The following CSPG5 variants were observed in gnomAD, a reference collection of about 807,000 sequenced individuals.
CSPG5 encodes chondroitin sulfate proteoglycan 5.
CSPG5 carries 25 observed loss-of-function variants against 39.8 expected under a neutral mutation model. The observed-to-expected ratio is 0.63, with a 90% CI of 0.46 to 0.88. The LOEUF (loss-of-function observed/expected upper bound fraction) is 0.88. Ranked by LOEUF, CSPG5 falls within the 40% of genes least tolerant of loss-of-function variation. The probability of loss-of-function intolerance (pLI) is 0.00; values close to 1 mark genes in which losing one functional copy is unlikely to be tolerated. For synonymous variants in CSPG5, 295 were observed against 303.9 expected, an observed-to-expected ratio of 0.97 and a Z score of 0.31; for missense variants, 627 against 702.2, an observed-to-expected ratio of 0.89 and a Z score of 1.21.
rs776038927 is a variant in CSPG5, at chr3:47,577,489, C to G, written c.537G>C (p.Leu179=). ...KESPLEVWLN[L]GGSTPDPQGP... ...CTTGAGGGTCGGGTGTGCTGCCCCCCAGGTTCAGCCAAACCTCCAAGGGGC... is the reference window on the plus strand; with the variant it reads ...CTTGAGGGTCGGGTGTGCTGCCCCCGAGGTTCAGCCAAACCTCCAAGGGGC... Residue 179 remains leucine (L), a synonymous_variant, in exon 2 of 5, where the codon CTG becomes CTC. Transcript: ENST00000264723. This position sits in a 1 kb window ranked among gnomAD's most constrained non-coding sequence, Gnocchi z 4.7. 3 of 1,613,530 alleles carry G rather than the reference C, an allele frequency of 1.9e-6. No individual in the cohort carries two copies. The highest frequency in any genetic ancestry group is 2.5e-6 in the Non-Finnish European group (3 of 1,179,838).
chr3:47,566,838 C>T (rs1179932332), intron 4 of CSPG5, among the ~76,000 whole-genome samples: 1 of 152,182 alleles, frequency 6.6e-6, no homozygotes, highest in Non-Finnish European at 1.5e-5. Context: ...CCTCACCCGC[C>T]CTGTGGCTGA....
chr3:47,574,069 A>G (rs1239655247), intron 2 of CSPG5, among the ~76,000 whole-genome samples: 1 of 152,188 alleles, frequency 6.6e-6, no homozygotes, highest in Non-Finnish European at 1.5e-5. Flanking sequence ...GTACACAGCC[A>G]GGGGAGGAAT....
intron 3 of CSPG5, among the ~76,000 whole-genome samples, chr3:47,570,320 A>G (rs923550503): frequency 2.0e-5 from 3 of 148,830 alleles, no homozygotes; most frequent in Non-Finnish European, 4.4e-5. Context: ...CTCAGGCTGG[A>G]CTCGAACCCT....
rs1186748051 is a variant in CSPG5, at chr3:47,578,625, C to A, written c.69G>T (p.Ala23=). Residue 23 remains alanine (A), a synonymous_variant, in exon 1 of 5, where the codon GCG becomes GCT. Transcript: ENST00000264723. This position sits in a 1 kb window ranked among gnomAD's most constrained non-coding sequence, Gnocchi z 6.0. ...PPPLLLFLGA[A]LVLASGAVPA... ...GCACGGCCCCAGAGGCCAGGACCAG[C>A]GCGGCCCCCAGAAACAGCAGCAGTG... 8 of 1,165,308 alleles carry A rather than the reference C, an allele frequency of 6.9e-6. No homozygotes were observed. The highest frequency in any genetic ancestry group is 8.5e-6 in the Non-Finnish European group (8 of 942,734). 72.2% of individuals were successfully genotyped at this position (1,165,308 alleles called of 1,614,324 possible). A position where few individuals can be genotyped will look rare whatever the true frequency, so the allele number is the denominator to read the frequency against.
chr3:47,565,345 C>A (rs539679118), intron 4 of CSPG5, among the ~76,000 whole-genome samples: 1 of 152,274 alleles, frequency 6.6e-6, no homozygotes, highest in Admixed American at 6.5e-5. Flanking sequence ...ATGTCTACAC[C>A]AAGATGGGGC....
At chr3:47,579,344 C>G (rs1344187884), upstream of CSPG5, 3 of 152,310 alleles carry the variant, frequency 2.0e-5, no homozygotes, top group South Asian at 4.1e-4. This position sits in a 1 kb window ranked among gnomAD's most constrained non-coding sequence, Gnocchi z 4.2. Flanking sequence ...GCACCAATCC[C>G]GTGTTCCGGG....
Position 47,577,473 on chromosome 3 carries a change from C to A in CSPG5, c.553G>T (p.Asp185Tyr). Residue 185 changes from aspartate (D) to tyrosine (Y), a missense_variant, in exon 2 of 5, where the codon GAC (aspartate) becomes TAC (tyrosine). Asp to Tyr is a radical substitution (Grantham distance 160, BLOSUM62 -3). Transcript: ENST00000264723. This position sits in a 1 kb window ranked among gnomAD's most constrained non-coding sequence, Gnocchi z 4.7. Reference sequence around the variant, plus strand: ...TAAGTCAGCTCTGGCCCTTGAGGGTCGGGTGTGCTGCCCCCCAGGTTCAGC... The same window carrying A: ...TAAGTCAGCTCTGGCCCTTGAGGGTAGGGTGTGCTGCCCCCCAGGTTCAGC... Reference protein sequence around the residue: ...VWLNLGGSTPDPQGPELTYPF... With the variant: ...VWLNLGGSTPYPQGPELTYPF... The A allele has an allele frequency of 6.2e-7, 1 of 1,613,664 alleles. No homozygotes were observed. The highest frequency in any genetic ancestry group is 2.2e-5 in the East Asian group (1 of 44,842).
chr3:47,574,772 T>C (rs1196537688), intron 2 of CSPG5, among the ~76,000 whole-genome samples: 1 of 152,054 alleles, frequency 6.6e-6, no homozygotes, highest in Non-Finnish European at 1.5e-5. Context: ...ATCCCGTCTT[T>C]ACTAAAAATA....
At chr3:47,573,455 C>G (rs1262318249) in intron 2 of CSPG5, among the ~76,000 whole-genome samples, 1 of 152,172 alleles carries the variant, frequency 6.6e-6, no homozygotes, top group African/African-American at 2.4e-5. Context: ...TGCAGCCCCC[C>G]CAAGTTCTGC....
At chr3:47,567,552 C>T (rs2031358534) in intron 4 of CSPG5, among the ~76,000 whole-genome samples, 1 of 152,224 alleles carries the variant, frequency 6.6e-6, no homozygotes. Flanking sequence ...ATATCAAAGA[C>T]TTTAAAAAAT....
chr3:47,576,995 C>A lies in CSPG5; in HGVS notation c.1031G>T (p.Gly344Val). The part of the protein sequence containing the change: ...GSSIALRPRP[G>V]EPGRDLASSE... ...GGAGGCCAAGTCCCTGCCTGGCTCT[C>A]CTGGGCGGGGCCTGAGGGCGATGCT... The change falls in exon 2 of 5, where the codon GGA becomes GTA. Residue 344 changes from glycine (G) to valine (V), a missense_variant. Gly to Val is a moderately radical substitution (Grantham distance 109). Transcript: ENST00000264723. 1 of 1,613,510 alleles carries A rather than the reference C, an allele frequency of 6.2e-7. No homozygotes were observed. Among genetic ancestry groups the A allele is most frequent in the Non-Finnish European group, 8.5e-7 (1 of 1,179,710 alleles).
At position 47,562,338 on chromosome 3, in the gene CSPG5, A is replaced by G; in HGVS notation, c.*262T>C. The G allele has an allele frequency of 3.2e-6, 1 of 313,454 alleles. No homozygotes were observed. Among genetic ancestry groups the G allele is most frequent in the Admixed American group, 4.9e-5 (1 of 20,314 alleles). The allele number at this position is 313,454 out of a possible 1,614,324, so 19.4% of individuals were successfully genotyped here. A position where few individuals can be genotyped will look rare whatever the true frequency, so the allele number is the denominator to read the frequency against. On this transcript the variant is annotated 3_prime_UTR_variant, in exon 5 of 5. Transcript: ENST00000264723. ...AAAAAAGTCAGTTGAATAACAGCAC[A>G]GGTTTAGAAATCACAGCAGCAGAAG...
At chr3:47,571,329 C>T (rs773235272) in intron 3 of CSPG5, among the ~76,000 whole-genome samples, 2 of 152,182 alleles carry the variant, frequency 1.3e-5, no homozygotes, top group Non-Finnish European at 2.9e-5. Context: ...GAGGAAGAGG[C>T]CCTAGAATAG....
Position 47,572,602 on chromosome 3 carries a change from C to A in CSPG5, c.1382+84G>T. On this transcript the variant is annotated intron_variant, in intron 3 of 4. Transcript: ENST00000264723. The surrounding 1 kb of genome is among the most constrained non-coding windows in gnomAD (Gnocchi z 4.5). ...TGCCAGAAACCCTCACGACAAAGTC[C>A]CTGGATCAGTTGGAGGGGTGCAGCA... is the stretch of plus-strand genomic sequence containing the variant. 3.3e-6 allele frequency: 4 copies of A among 1,197,788 alleles called. No individual in the cohort carries two copies. Among genetic ancestry groups the A allele is most frequent in the Non-Finnish European group, 4.8e-6 (4 of 825,806 alleles). 74.2% of individuals were successfully genotyped at this position (1,197,788 alleles called of 1,614,324 possible).
chr3:47,578,511 A>G lies in CSPG5; in HGVS notation c.97+86T>C. 2.7e-6 allele frequency: 1 copy of G among 372,652 alleles called. No individual in the cohort carries two copies. Among genetic ancestry groups the G allele is most frequent in the Non-Finnish European group, 4.2e-6 (1 of 240,458 alleles). The allele number at this position is 372,652 out of a possible 1,614,324, so 23.1% of individuals were successfully genotyped here. A position where few individuals can be genotyped will look rare whatever the true frequency, so the allele number is the denominator to read the frequency against. ...GCCCCGCCCCCTTGCCACAGCTCACAGCTCCACCTGTCCCCGCCGCCAGCG... is the reference window on the plus strand; with the variant it reads ...GCCCCGCCCCCTTGCCACAGCTCACGGCTCCACCTGTCCCCGCCGCCAGCG... On this transcript the variant is annotated intron_variant, in intron 1 of 4. Transcript: ENST00000264723. This position sits in a 1 kb window ranked among gnomAD's most constrained non-coding sequence, Gnocchi z 6.0.
chr3:47,576,874 G>A lies in CSPG5; in HGVS notation c.1152C>T (p.Gly384=), dbSNP rs571142501. ...TGTTCTCCACCAGGTAGCACTGGCC[G>A]CCATTGTGACAGTAACTTGGGAAGA... ...CDLFPSYCHN[G]GQCYLVENIG... is the part of the protein sequence containing the mutation. Residue 384 remains glycine, a synonymous_variant, in exon 2 of 5, where the codon GGC becomes GGT. Transcript: ENST00000264723. The A allele has an allele frequency of 3.2e-5, 51 of 1,587,214 alleles. No individual in the cohort carries two copies. The highest frequency in any genetic ancestry group is 3.9e-5 in the Non-Finnish European group (45 of 1,164,402).
In CSPG5 at chr3:47,562,785, G is replaced by T. The variant is rs371137351; in HGVS notation, c.1459-24C>A. 78 of 1,581,090 alleles carry T rather than the reference G, an allele frequency of 4.9e-5. No individual in the cohort carries two copies. In the African/African-American group the frequency reaches 7.8e-4, roughly 16 times the overall value. On this transcript the variant is annotated intron_variant, in intron 4 of 4. Transcript: ENST00000264723. The stretch of plus-strand genomic sequence containing the variant: ...TCCTGGAAGAGGGAAAAAGTTGGGG[G>T]GGGGGAGACAATGCATACAGCAACC...
intron 4 of CSPG5, among the ~76,000 whole-genome samples, chr3:47,566,832 A>C (rs893930892): frequency 2.6e-5 from 4 of 151,942 alleles, no homozygotes; most frequent in African/African-American, 7.3e-5. Context: ...GACCAGCCTC[A>C]CCCGCCCTGT....
Position 47,576,754 on chromosome 3 carries a change from C to G in CSPG5, c.1193+79G>C, listed in dbSNP as rs983320180. 20 of 1,471,246 alleles carry G rather than the reference C, an allele frequency of 1.4e-5. No individual in the cohort carries two copies. The African/African-American group carries it at 2.7e-4, about 20-fold the overall frequency. The allele number at this position is 1,471,246 out of a possible 1,614,324, so 91.1% of individuals were successfully genotyped here. A position where few individuals can be genotyped will look rare whatever the true frequency, so the allele number is the denominator to read the frequency against. ...GGATTACAGGCGTGAGCCAACGCGC[C>G]CGGCTACGCTGCCCTCTGTTGAGTC... On this transcript the variant is annotated intron_variant, in intron 2 of 4. Transcript: ENST00000264723.
Sources: allele counts gnomAD v4.1 joint callset (sites outside exome capture counted in the v4.1 genomes callset), GRCh38; gene constraint gnomAD v4.1.1; non-coding constraint Gnocchi (gnomAD v3.1); transcripts MANE v1.5; gene names NCBI Gene and HGNC (gene_info 2026-07-23, HGNC 2026-07-21).